EFCAB7: variants seen among roughly 807,000 people sequenced by gnomAD.
EFCAB7 encodes the protein EF-hand calcium-binding domain-containing protein 7.
In EFCAB7, 66 loss-of-function variants were observed where a neutral mutation model predicts 77.1. The ratio of observed to expected loss-of-function variants is 0.86; its 90% confidence interval spans 0.70 to 1.05. The LOEUF is 1.05. EFCAB7 is among the 50% of genes least tolerant of loss of function. The pLI, the probability that EFCAB7 is intolerant of heterozygous loss-of-function variation, is 0.00. For missense variants in EFCAB7, 638 were observed against 730.5 expected, an observed-to-expected ratio of 0.87 and a Z score of 1.46; for synonymous variants, 225 against 243.3, an observed-to-expected ratio of 0.92 and a Z score of 0.70.
At chr1:63,528,602 T>C (rs1376559956) in intron 2 of EFCAB7, among the ~76,000 whole-genome samples, 1 of 152,106 alleles carries the variant, frequency 6.6e-6, no homozygotes. Context: ...GGATAAATGC[T>C]TGAGGCAACA....
At chr1:63,542,980 G>T (rs1646848293) in intron 6 of EFCAB7, among the ~76,000 whole-genome samples, 1 of 152,112 alleles carries the variant, frequency 6.6e-6, no homozygotes, top group Non-Finnish European at 1.5e-5. Context: ...CAATTTATTT[G>T]ATTGTTGCTT....
downstream of EFCAB7, among the ~76,000 whole-genome samples, chr1:63,577,289 G>A (rs989870427): frequency 6.6e-6 from 1 of 152,140 alleles, no homozygotes; most frequent in African/African-American, 2.4e-5. Flanking sequence ...TTTAGACACA[G>A]TTGATAAATA....
downstream of EFCAB7, among the ~76,000 whole-genome samples, chr1:63,576,852 A>C (rs1465423958): frequency 1.4e-5 from 2 of 146,342 alleles, no homozygotes; most frequent in Non-Finnish European, 3.0e-5. Context: ...ATAAATAAAT[A>C]ATAATAAGTG....
intron 6 of EFCAB7, among the ~76,000 whole-genome samples, chr1:63,535,783 T>C (rs1311020949): frequency 6.6e-6 from 1 of 152,060 alleles, no homozygotes; most frequent in African/African-American, 2.4e-5. Context: ...TAAATACTAG[T>C]ATTAATATTA....
chr1:63,533,998 G>C (rs561954595), intron 5 of EFCAB7, 97 bp from the exon 6 acceptor site: 2 of 1,318,410 alleles, frequency 1.5e-6, no homozygotes, highest in South Asian at 3.1e-5. Flanking sequence ...GAGAATCAAA[G>C]TAATACAGTA....
chr1:63,526,937 G>A (rs1344096239), intron 2 of EFCAB7, among the ~76,000 whole-genome samples: 5 of 152,136 alleles, frequency 3.3e-5, no homozygotes, highest in Non-Finnish European at 5.9e-5. Context: ...GCTAATTTTT[G>A]TATTTTTAGT....
intron 6 of EFCAB7, among the ~76,000 whole-genome samples, chr1:63,537,468 A>G (rs980944661): frequency 6.6e-5 from 10 of 152,220 alleles, no homozygotes; most frequent in Non-Finnish European, 1.5e-4. Flanking sequence ...TACCATTTAT[A>G]TGTTATGTGT....
intron 2 of EFCAB7, among the ~76,000 whole-genome samples, chr1:63,526,702 CTA>C (rs1183640652): frequency 6.6e-6 from 1 of 152,060 alleles, no homozygotes; most frequent in Non-Finnish European, 1.5e-5. Flanking sequence ...CTAAAATGCT[CTA>C]TTTTGAATTT....
intron 11 of EFCAB7, among the ~76,000 whole-genome samples, chr1:63,563,197 C>T (rs1647129871): frequency 6.6e-6 from 1 of 152,104 alleles, no homozygotes; most frequent in Non-Finnish European, 1.5e-5. Context: ...TGTCATTTAC[C>T]TTTGAAACTA....
chr1:63,531,732 A>G (rs2100871519), intron 2 of EFCAB7, 88 bp from the exon 3 acceptor site: 2 of 1,096,492 alleles, frequency 1.8e-6, no homozygotes, highest in Middle Eastern at 2.0e-4. Flanking sequence ...TGTAAATATC[A>G]TAATACATAA....
chr1:63,568,501 G>T lies in EFCAB7; in HGVS notation c.1689G>T (p.Thr563=), dbSNP rs147497398. Residue 563 remains threonine, a synonymous_variant, in exon 12 of 14, where the codon ACG becomes ACT. Coordinates refer to ENST00000371088, the MANE Select transcript of EFCAB7 (RefSeq NM_032437.4). The stretch of plus-strand genomic sequence containing the variant: ...CTTACAGTTGTGACACCTGGATAAC[G>T]TCAGTTATTGAAAACAAGGTATCAA... ...VHTYSCDTWI[T]SVIENKSDEK... is the part of the protein sequence containing the mutation. The T allele has an allele frequency of 1.2e-6, 2 of 1,600,884 alleles. No individual in the cohort carries two copies. Among genetic ancestry groups the T allele is most frequent in the Non-Finnish European group, 1.7e-6 (2 of 1,175,910 alleles).
intron 6 of EFCAB7, among the ~76,000 whole-genome samples, chr1:63,541,343 TA>T (rs1253181896): frequency 1.3e-5 from 2 of 152,322 alleles, no homozygotes; most frequent in African/African-American, 4.8e-5. Flanking sequence ...GGTGGTATTG[TA>T]AAATTGGCAG....
At chr1:63,539,256 C>T (rs1262134709) in intron 6 of EFCAB7, among the ~76,000 whole-genome samples, 3 of 152,126 alleles carry the variant, frequency 2.0e-5, no homozygotes, top group Admixed American at 6.5e-5. Context: ...AGTACATTAT[C>T]TTTTAAAGCT....
intron 11 of EFCAB7, 62 bp downstream of exon 11, chr1:63,561,919 A>G: frequency 7.8e-7 from 1 of 1,276,536 alleles, no homozygotes; most frequent in Admixed American, 3.0e-5. Flanking sequence ...CTTTATGAAC[A>G]TTTTCCTGAC....
chr1:63,544,614 T>G (rs922822682), intron 6 of EFCAB7, among the ~76,000 whole-genome samples: 1 of 152,070 alleles, frequency 6.6e-6, no homozygotes. Context: ...GGTTTCACCA[T>G]GTTGGCCAGG....
intron 11 of EFCAB7, 96 bp downstream of exon 11, chr1:63,561,953 C>A: frequency 1.1e-6 from 1 of 876,638 alleles, no homozygotes; most frequent in Non-Finnish European, 1.5e-6. Context: ...ATTGGGCACC[C>A]AAATCTTTGA....
chr1:63,562,454 TATA>T (rs1647116917), intron 11 of EFCAB7, among the ~76,000 whole-genome samples: 1 of 13,072 alleles, frequency 7.6e-5, no homozygotes, highest in Non-Finnish European at 1.3e-4. Context: ...TTTATTTATA[TATA>T]TATATATATA....
At position 63,533,522 on chromosome 1, in the gene EFCAB7, C is replaced by T. The variant is rs1362173013; in HGVS notation, c.555C>T (p.Asp185=). The T allele has an allele frequency of 6.2e-6, 10 of 1,612,868 alleles. No individual in the cohort carries two copies. The Admixed American group carries it at 1.7e-4, about 27-fold the overall frequency. Residue 185 remains aspartate (D), a synonymous_variant, in exon 5 of 14, where the codon GAC becomes GAT. Transcript: ENST00000371088. The part of the protein sequence containing the change: ...LKTTLEKLEV[D]SKLMRHQFGN... ...CTACACTAGAAAAACTAGAGGTTGA[C>T]AGTAAATTGATGCGTCACCAGTTTG...
chr1:63,554,097 A>G lies in EFCAB7; in HGVS notation c.1057-1261A>G, dbSNP rs1167664833. On this transcript the variant is annotated intron_variant, in intron 8 of 13. Transcript: ENST00000371088. Reference sequence around the variant, plus strand: ...CTTGGCTTCCCAAAGTGCTGGGATGATAGGTATGAGCCACCGTGTCTGGCC... The same window carrying G: ...CTTGGCTTCCCAAAGTGCTGGGATGGTAGGTATGAGCCACCGTGTCTGGCC... 3.3e-5 allele frequency among the ~76,000 whole-genome samples: 5 copies of G among 152,296 alleles called. No individual in the cohort carries two copies. The South Asian group carries it at 1.0e-3, about 32-fold the overall frequency.
Sources: gnomAD v4.1 joint callset for allele counts (sites outside exome capture counted in the v4.1 genomes callset) on GRCh38, gnomAD v4.1.1 for gene constraint, MANE v1.5 for transcripts, NCBI Gene and HGNC (gene_info 2026-07-23, HGNC 2026-07-21) for gene names.